PPFIA2: variants seen among roughly 807,000 people sequenced by gnomAD.
PPFIA2 encodes PPFI scaffold protein A2, also known as liprin-alpha-2.
In PPFIA2, 46 loss-of-function variants were observed where a neutral mutation model predicts 175.5. The ratio of observed to expected loss-of-function variants is 0.26; its 90% CI spans 0.21 to 0.34. The LOEUF (loss-of-function observed/expected upper bound fraction) is 0.34. Among genes scored for constraint, PPFIA2 ranks in the 10% least tolerant of loss-of-function variants. PPFIA2 has a pLI of 1.00. For missense variants in PPFIA2, 1,179 were observed against 1,506.1 expected (o/e 0.78, Z 3.60); for synonymous variants, 568 against 511.4 (o/e 1.11, Z -1.49).
intron 3 of PPFIA2, among the ~76,000 whole-genome samples, chr12:81,703,661 T>C (rs950370230): frequency 1.3e-5 from 2 of 152,078 alleles, no homozygotes; most frequent in African/African-American, 2.4e-5. Flanking sequence ...CCCAATTTCC[T>C]TATTGTGGCC....
Position 81,739,135 on chromosome 12 carries a change from G to T in PPFIA2, c.249+14838C>A, listed in dbSNP as rs185414703. ...AAGAAGTAGAAACTCTATAATTATA[G>T]CATGAGACAATAAAACTTGTTATTA... On this transcript the variant is annotated intron_variant, in intron 3 of 32. Transcript: ENST00000549396. 1.7e-3 allele frequency among the ~76,000 whole-genome samples: 265 copies of T among 151,970 alleles called. 1 individual carries two copies. Among genetic ancestry groups the T allele is most frequent in the African/African-American group, 6.2e-3 (258 of 41,500 alleles).
chr12:81,277,357 T>C lies in PPFIA2; in HGVS notation c.3270A>G (p.Glu1090=). 14 of 1,575,406 alleles carry C rather than the reference T, an allele frequency of 8.9e-6. No homozygotes were observed. The highest frequency in any genetic ancestry group is 1.2e-5 in the Non-Finnish European group (14 of 1,159,698). The change falls in exon 28 of 33, where the codon GAA becomes GAG. Residue 1090 remains glutamate, a synonymous_variant. Coordinates refer to ENST00000549396, the MANE Select transcript of PPFIA2 (RefSeq NM_003625.5). ...CLKRLNYDRK[E]LERRREASQH... is the part of the protein sequence containing the mutation. Reference sequence around the variant, plus strand: ...GGCTTGCTTCCCGTCTTCTTTCTAGTTCTTTTCTGTCATAATTCAACCTCT... The same window carrying C: ...GGCTTGCTTCCCGTCTTCTTTCTAGCTCTTTTCTGTCATAATTCAACCTCT...
chr12:81,676,872 A>C (rs529523004), intron 3 of PPFIA2, 28 bp from the exon 4 acceptor site: 2 of 1,542,246 alleles, frequency 1.3e-6, no homozygotes, highest in South Asian at 2.4e-5. Context: ...GTTGATTGTA[A>C]AGTGCTACTC....
chr12:81,628,400 T>C (rs7975886), intron 4 of PPFIA2, among the ~76,000 whole-genome samples: 1 of 131,124 alleles, frequency 7.6e-6, no homozygotes, highest in South Asian at 2.5e-4. Context: ...TTTTTTTTGA[T>C]ATGGCTCACT....
chr12:81,727,640 A>G (rs900920441), intron 3 of PPFIA2, among the ~76,000 whole-genome samples: 5 of 151,374 alleles, frequency 3.3e-5, no homozygotes, highest in Non-Finnish European at 7.4e-5. Context: ...TGAGATGCAC[A>G]TTAACATTTG....
In PPFIA2 at chr12:81,344,706, G is replaced by A. The variant is rs755095062; in HGVS notation, c.2233-13C>T. Reference sequence around the variant, plus strand: ...TCAGATCACTTGGCTGTGATTGGCAGTAATAAAAACATAAAACACAATTAA... The same window carrying A: ...TCAGATCACTTGGCTGTGATTGGCAATAATAAAAACATAAAACACAATTAA... On this transcript the variant is annotated splice_polypyrimidine_tract_variant and intron_variant, in intron 18 of 32. Transcript: ENST00000549396. The A allele has an allele frequency of 3.2e-6, 5 of 1,541,422 alleles. No homozygotes were observed. In the South Asian group the frequency reaches 3.7e-5, roughly 11 times the overall value.
intron 3 of PPFIA2, among the ~76,000 whole-genome samples, chr12:81,693,290 T>G (rs2153590891): frequency 6.6e-6 from 1 of 152,186 alleles, no homozygotes; most frequent in South Asian, 2.1e-4. Context: ...TGGTGGGTGG[T>G]GTTTGGATCA....
intron 12 of PPFIA2, 96 bp from the exon 13 acceptor site, chr12:81,368,952 C>T (rs1024697265): frequency 7.1e-7 from 1 of 1,413,302 alleles, no homozygotes; most frequent in Non-Finnish European, 9.6e-7. Context: ...AATTTTACAT[C>T]TGTTTTGATT....
rs1027975008 is a variant in PPFIA2, at chr12:81,674,648, C to T, written c.303+2143G>A. Among the ~76,000 whole-genome samples the T allele has an allele frequency of 2.0e-5, 3 of 151,962 alleles. No individual in the cohort carries two copies. The South Asian group carries it at 6.2e-4, about 32-fold the overall frequency. ...ACTGCACTCCCATCTGGGTGACAGA[C>T]AGAACAAGACTCCGTCTCAAAAAAA... is the stretch of plus-strand genomic sequence containing the variant. On this transcript the variant is annotated intron_variant, in intron 4 of 32. Transcript: ENST00000549396.
chr12:81,739,979 T>A (rs574385978), intron 3 of PPFIA2, among the ~76,000 whole-genome samples: 1 of 152,112 alleles, frequency 6.6e-6, no homozygotes, highest in Non-Finnish European at 1.5e-5. Context: ...CTTCTTGACC[T>A]AGGAGGGAAA....
At chr12:81,639,824 G>A (rs2153513768) in intron 4 of PPFIA2, among the ~76,000 whole-genome samples, 1 of 152,160 alleles carries the variant, frequency 6.6e-6, no homozygotes, top group African/African-American at 2.4e-5. Flanking sequence ...GTGAGGACAA[G>A]GTTGTTGATA....
At chr12:81,362,925 C>A in intron 14 of PPFIA2, 141 bp from the exon 15 acceptor site, 1 of 456,296 alleles carries the variant, frequency 2.2e-6, no homozygotes, top group Admixed American at 3.9e-5. Flanking sequence ...TAATAAAGCA[C>A]GCCAAAATTT....
At chr12:81,745,193 T>A (rs1328793476) in intron 3 of PPFIA2, among the ~76,000 whole-genome samples, 4 of 152,198 alleles carry the variant, frequency 2.6e-5, no homozygotes, top group African/African-American at 7.2e-5. Flanking sequence ...GATTTTATAG[T>A]TTTGGTTTGA....
At chr12:81,404,438 A>T (rs2042572625) in intron 8 of PPFIA2, among the ~76,000 whole-genome samples, 1 of 152,212 alleles carries the variant, frequency 6.6e-6, no homozygotes, top group Non-Finnish European at 1.5e-5. Context: ...ATATCAAATT[A>T]CATGTTGGTT....
chr12:81,592,678 G>A (rs1328051565), intron 4 of PPFIA2, among the ~76,000 whole-genome samples: 1 of 152,090 alleles, frequency 6.6e-6, no homozygotes, highest in Non-Finnish European at 1.5e-5. Flanking sequence ...CCGTGATTGT[G>A]AGGCCTCCTC....
intron 4 of PPFIA2, 32 bp from the exon 5 acceptor site, chr12:81,457,898 A>ATTT: frequency 7.0e-7 from 1 of 1,424,060 alleles, no homozygotes; most frequent in Non-Finnish European, 9.6e-7. Flanking sequence ...TTGAAGAAAT[A>ATTT]TTCAAGATCT....
intron 4 of PPFIA2, among the ~76,000 whole-genome samples, chr12:81,630,897 A>ATG (rs776050578): frequency 1.3e-5 from 1 of 75,286 alleles, no homozygotes; most frequent in South Asian, 3.8e-4. Context: ...ATATATATAT[A>ATG]TATTTTTTTT....
chr12:81,451,348 G>A (rs538762841), intron 5 of PPFIA2, among the ~76,000 whole-genome samples: 3 of 152,118 alleles, frequency 2.0e-5, no homozygotes, highest in Admixed American at 2.0e-4. Flanking sequence ...ACCACTAGGT[G>A]GCAGACCTGT....
chr12:81,353,417 AC>A, intron 16 of PPFIA2, 78 bp from the exon 17 acceptor site: 1 of 1,003,570 alleles, frequency 1.0e-6, no homozygotes, highest in East Asian at 2.5e-5. Context: ...GACAGCAACA[AC>A]AACAGGCATG....
Sources: allele counts gnomAD v4.1 joint callset (sites outside exome capture counted in the v4.1 genomes callset), GRCh38; gene constraint gnomAD v4.1.1; transcripts MANE v1.5; gene names NCBI Gene and HGNC (gene_info 2026-07-23, HGNC 2026-07-21).